The following IQGAP2 variants were observed in gnomAD, a reference collection of about 807,000 sequenced individuals.
IQGAP2 encodes IQ motif containing GTPase activating protein 2, also known as ras GTPase-activating-like protein IQGAP2.
IQGAP2 carries 173 observed loss-of-function variants against 201.3 expected under a neutral mutation model. The ratio of observed to expected loss-of-function variants is 0.86; its 90% confidence interval spans 0.76 to 0.98. The LOEUF is 0.98. Ranked by LOEUF, IQGAP2 falls within the 50% of genes least tolerant of loss-of-function variation. The probability of loss-of-function intolerance (pLI) is 0.00; values close to 1 mark genes in which losing one functional copy is unlikely to be tolerated. For missense variants in IQGAP2, 1,687 were observed against 1,864.8 expected, an observed-to-expected ratio of 0.90 and a Z score of 1.76; for synonymous variants, 675 against 673.9, an observed-to-expected ratio of 1.00 and a Z score of -0.03.
At chr5:76,663,550 T>C (rs2150461205) in intron 21 of IQGAP2, among the ~76,000 whole-genome samples, 1 of 152,304 alleles carries the variant, frequency 6.6e-6, no homozygotes, top group South Asian at 2.1e-4. Flanking sequence ...TGGAATAGAA[T>C]AAAAGCAAAT....
chr5:76,641,845 ATTTTTCT>A (rs1218921565), intron 17 of IQGAP2, among the ~76,000 whole-genome samples: 1 of 152,112 alleles, frequency 6.6e-6, no homozygotes, highest in Non-Finnish European at 1.5e-5. Context: ...TAAATTGAAC[ATTTTTCT>A]GTTGAAGACC....
At chr5:76,631,817 G>T in intron 14 of IQGAP2, 42 bp from the exon 15 acceptor site, 1 of 1,424,266 alleles carries the variant, frequency 7.0e-7, no homozygotes, top group East Asian at 2.4e-5. Context: ...GAAGTAAGTG[G>T]AAGATAACCA....
intron 4 of IQGAP2, 120 bp from the exon 5 acceptor site, chr5:76,575,573 T>C: frequency 1.9e-6 from 1 of 516,020 alleles, no homozygotes; most frequent in Non-Finnish European, 3.4e-6. Flanking sequence ...GGCAGAGAGG[T>C]TCCTCTATAT....
intron 1 of IQGAP2, among the ~76,000 whole-genome samples, chr5:76,413,540 T>C (rs1458409510): frequency 1.3e-5 from 2 of 152,182 alleles, no homozygotes; most frequent in African/African-American, 2.4e-5. Context: ...GTCTATCAAT[T>C]TGGGTGGGGA....
At chr5:76,647,852 A>C (rs397772) in intron 17 of IQGAP2, among the ~76,000 whole-genome samples, 2,095 of 142,726 alleles carry the variant, frequency 0.015, 38 homozygotes, top group African/African-American at 0.052. Flanking sequence ...CACACACACA[A>C]ACGAAAAAAA....
intron 32 of IQGAP2, among the ~76,000 whole-genome samples, chr5:76,695,905 A>G (rs1357505765): frequency 1.4e-5 from 2 of 144,868 alleles, no homozygotes; most frequent in African/African-American, 5.2e-5. Context: ...CAGTGGCACA[A>G]TCTCGACTCT....
chr5:76,580,658 A>G (rs1745785621), intron 5 of IQGAP2, among the ~76,000 whole-genome samples: 1 of 152,148 alleles, frequency 6.6e-6, no homozygotes, highest in African/African-American at 2.4e-5. Context: ...CAAGATTAAT[A>G]TCTCTTTCTT....
chr5:76,623,357 C>T, intron 13 of IQGAP2: 1 of 1,117,586 alleles, frequency 8.9e-7, no homozygotes, highest in Non-Finnish European at 1.3e-6. Context: ...GTTTGCTCTC[C>T]TGTGCCGTGC....
intron 26 of IQGAP2, 145 bp downstream of exon 26, chr5:76,674,181 A>G: frequency 1.6e-6 from 1 of 624,854 alleles, no homozygotes; most frequent in South Asian, 2.0e-5. Flanking sequence ...TCTCAAGATA[A>G]TTGATTAAGC....
At chr5:76,421,910 AC>A (rs144083839) in intron 1 of IQGAP2, among the ~76,000 whole-genome samples, 1,638 of 152,324 alleles carry the variant, frequency 0.011, 27 homozygotes, top group African/African-American at 0.036. Flanking sequence ...CAAGGTCTTA[AC>A]TTCCCTAGCT....
chr5:76,666,873 A>G (rs2150471411), intron 22 of IQGAP2, among the ~76,000 whole-genome samples: 1 of 152,264 alleles, frequency 6.6e-6, no homozygotes. Flanking sequence ...CCTCCTGAGT[A>G]GCTGGGACTA....
intron 5 of IQGAP2, among the ~76,000 whole-genome samples, chr5:76,587,734 G>T (rs1746348589): frequency 6.6e-6 from 1 of 151,958 alleles, no homozygotes; most frequent in Non-Finnish European, 1.5e-5. Context: ...GGGTGGTCAG[G>T]AGTTCGAGAC....
intron 35 of IQGAP2, among the ~76,000 whole-genome samples, chr5:76,702,815 T>G (rs1017209265): frequency 5.3e-5 from 8 of 151,622 alleles, no homozygotes; most frequent in Non-Finnish European, 1.2e-4. Flanking sequence ...AGTCAGTTTC[T>G]CTAAGCCATG....
At chr5:76,641,676 G>A (rs1751597086) in intron 17 of IQGAP2, among the ~76,000 whole-genome samples, 2 of 152,130 alleles carry the variant, frequency 1.3e-5, no homozygotes, top group Admixed American at 6.6e-5. Flanking sequence ...AATTTGCCAG[G>A]TTTAGATGTT....
chr5:76,588,882 T>G, intron 5 of IQGAP2, 24 bp from the exon 6 acceptor site: 1 of 1,458,314 alleles, frequency 6.9e-7, no homozygotes, highest in Non-Finnish European at 9.5e-7. Context: ...AAATTTCTGA[T>G]AATTTTGTGT....
chr5:76,695,746 G>A (rs994365647), intron 32 of IQGAP2, 80 bp downstream of exon 32: 44 of 1,070,632 alleles, frequency 4.1e-5, no homozygotes, highest in Non-Finnish European at 6.1e-5. Context: ...CACTCTGTGA[G>A]GTGGCATTAG....
intron 5 of IQGAP2, among the ~76,000 whole-genome samples, chr5:76,577,433 C>A (rs149537666): frequency 1.3e-5 from 2 of 152,302 alleles, no homozygotes; most frequent in African/African-American, 4.8e-5. Context: ...ATAGACATCT[C>A]CATTACTTTT....
At chr5:76,604,797 G>A (rs1747686387) in intron 11 of IQGAP2, among the ~76,000 whole-genome samples, 1 of 152,144 alleles carries the variant, frequency 6.6e-6, no homozygotes, top group Non-Finnish European at 1.5e-5. Context: ...ACTTGGCGAG[G>A]CCTCATTCAG....
chr5:76,563,778 C>CA (rs1744547390), intron 3 of IQGAP2, among the ~76,000 whole-genome samples: 1 of 151,976 alleles, frequency 6.6e-6, no homozygotes, highest in Non-Finnish European at 1.5e-5. Context: ...GTATTCTGAA[C>CA]AGTTATTTCT....
Sources: allele counts gnomAD v4.1 joint callset (sites outside exome capture counted in the v4.1 genomes callset), GRCh38; gene constraint gnomAD v4.1.1; transcripts MANE v1.5; gene names NCBI Gene and HGNC (gene_info 2026-07-23, HGNC 2026-07-21).